Variants in JADE2 observed in about 807,000 individuals in gnomAD.
The protein encoded by JADE2 is jade family PHD finger 2.
Under a neutral mutation model 85.7 loss-of-function variants are expected in JADE2, and 13 were observed. That is an observed-to-expected ratio of 0.15 (90% CI 0.10 to 0.24). The LOEUF (loss-of-function observed/expected upper bound fraction) is 0.24. Among genes scored for constraint, JADE2 ranks in the 10% least tolerant of loss-of-function variants. JADE2 has a pLI of 1.00. For missense variants in JADE2, 846 were observed against 1,115.9 expected, an observed-to-expected ratio of 0.76 and a Z score of 3.45; for synonymous variants, 440 against 456.1, an observed-to-expected ratio of 0.96 and a Z score of 0.45.
chr5:134,546,457 T>A (rs182668866), intron 3 of JADE2, among the ~76,000 whole-genome samples: 123 of 152,300 alleles, frequency 8.1e-4, no homozygotes, highest in Middle Eastern at 3.4e-3. Context: ...TTAGAAGAGA[T>A]GGACATTAAA....
In JADE2 at chr5:134,562,978, T is replaced by C. The variant is rs542231295; in HGVS notation, c.852+611T>C. ...GCAGCTGACTAGAGGGGAAAGCAGG[T>C]TGTGGGGTCCATCTAAACCTTAGCA... On this transcript the variant is annotated intron_variant, in intron 7 of 11. Transcript: ENST00000681547. This position sits in a 1 kb window ranked among gnomAD's most constrained non-coding sequence, Gnocchi z 4.6. 6.6e-6 allele frequency among the ~76,000 whole-genome samples: 1 copy of C among 152,152 alleles called. No homozygotes were observed. Among genetic ancestry groups the C allele is most frequent in the Non-Finnish European group, 1.5e-5 (1 of 67,988 alleles).
At chr5:134,572,102 G>C (rs1303410682) in intron 9 of JADE2, among the ~76,000 whole-genome samples, 1 of 152,268 alleles carries the variant, frequency 6.6e-6, no homozygotes, top group Non-Finnish European at 1.5e-5. Flanking sequence ...GGGTGTGGGG[G>C]AAGGAGGCTG....
At position 134,566,907 on chromosome 5, in the gene JADE2, C is replaced by G. The variant is rs1348820268; in HGVS notation, c.1434+327C>G. On this transcript the variant is annotated intron_variant, in intron 9 of 11. Transcript: ENST00000681547. This position sits in a 1 kb window ranked among gnomAD's most constrained non-coding sequence, Gnocchi z 6.7. The stretch of plus-strand genomic sequence containing the variant: ...AGAGCACCAGAGCTAGGGCGAGGAC[C>G]TAGGCTTCTGGCACTTGCTTGCCTC... Among the ~76,000 whole-genome samples the G allele has an allele frequency of 6.6e-6, 1 of 152,204 alleles. No homozygotes were observed. Among genetic ancestry groups the G allele is most frequent in the Non-Finnish European group, 1.5e-5 (1 of 68,036 alleles).
At chr5:134,575,904 T>C (rs992153585) in intron 10 of JADE2, among the ~76,000 whole-genome samples, 62 of 148,408 alleles carry the variant, frequency 4.2e-4, no homozygotes, top group African/African-American at 1.4e-3. Flanking sequence ...AAAAAATAAA[T>C]AAATAAACAG....
intron 1 of JADE2, among the ~76,000 whole-genome samples, chr5:134,532,819 C>T (rs1761329338): frequency 6.6e-6 from 1 of 152,104 alleles, no homozygotes; most frequent in South Asian, 2.1e-4. Context: ...CGGTCCCAGG[C>T]CTCATTAGCC....
Position 134,578,554 on chromosome 5 carries a change from C to T in JADE2, c.1742C>T (p.Ser581Leu). The T allele has an allele frequency of 3.1e-6, 5 of 1,609,266 alleles. No homozygotes were observed. The highest frequency in any genetic ancestry group is 4.3e-6 in the Non-Finnish European group (5 of 1,176,208). Residue 581 changes from serine to leucine, a missense_variant, in exon 12 of 12, where the codon TCG (serine) becomes TTG (leucine). Ser to Leu is a moderately radical substitution (Grantham distance 145, BLOSUM62 -2). Transcript: ENST00000681547. This position sits in a 1 kb window ranked among gnomAD's most constrained non-coding sequence, Gnocchi z 4.4. ...TTCTTCAACAGCTGGCTGGCACAGTCGGTGCAGATCACAGCAGAGAACATG... is the reference window on the plus strand; with the variant it reads ...TTCTTCAACAGCTGGCTGGCACAGTTGGTGCAGATCACAGCAGAGAACATG... ...GTFFNSWLAQ[S>L]VQITAENMAM...
chr5:134,564,283 C>T (rs1763502576), intron 7 of JADE2: 3 of 490,992 alleles, frequency 6.1e-6, no homozygotes, highest in Non-Finnish European at 1.1e-5. Flanking sequence ...CACACTAACA[C>T]ACTCATCCAG....
intron 1 of JADE2, among the ~76,000 whole-genome samples, chr5:134,531,874 C>T (rs139764423): frequency 1.1e-4 from 15 of 139,296 alleles, no homozygotes; most frequent in African/African-American, 2.1e-4. Flanking sequence ...GATGAGCCAC[C>T]GTGCCTGGCT....
chr5:134,525,837 TG>T lies in JADE2; in HGVS notation c.-172del, dbSNP rs1162273941. On this transcript the variant is annotated 5_prime_UTR_variant, in exon 1 of 12. Coordinates refer to ENST00000681547, the MANE Select transcript of JADE2 (RefSeq NM_001388185.1). ...CGTCCCCGGCGGGGGGCGTGGGGCCTGGGACGCCGCGGGCCCGGCCGCCTCC... is the reference window on the plus strand; with the variant it reads ...CGTCCCCGGCGGGGGGCGTGGGGCCTGGACGCCGCGGGCCCGGCCGCCTCC... 10 of 999,172 alleles carry T rather than the reference TG, an allele frequency of 1.0e-5. No homozygotes were observed. The highest frequency in any genetic ancestry group is 1.2e-5 in the Non-Finnish European group (10 of 837,748). 61.9% of individuals were successfully genotyped at this position (999,172 alleles called of 1,614,324 possible).
chr5:134,553,360 T>TCC (rs1762713115), intron 4 of JADE2, among the ~76,000 whole-genome samples: 1 of 43,476 alleles, frequency 2.3e-5, no homozygotes, highest in African/African-American at 9.9e-5. Context: ...TTTTATTCTT[T>TCC]TCTTTTTTTT....
intron 3 of JADE2, among the ~76,000 whole-genome samples, chr5:134,545,502 C>T (rs1408044020): frequency 1.3e-5 from 2 of 151,416 alleles, no homozygotes; most frequent in South Asian, 2.1e-4. Flanking sequence ...GCCCTTCTTT[C>T]GTGTTTTATA....
chr5:134,526,384 C>T (rs1760820298), intron 1 of JADE2: 4 of 985,082 alleles, frequency 4.1e-6, no homozygotes, highest in Non-Finnish European at 3.6e-6. Flanking sequence ...GCTGCAACTT[C>T]CCCGCGGGCT....
At chr5:134,525,209 G>T (rs1760723537), upstream of JADE2, among the ~76,000 whole-genome samples, 1 of 151,768 alleles carries the variant, frequency 6.6e-6, no homozygotes, top group Non-Finnish European at 1.5e-5. Context: ...CCGGGTCTGG[G>T]GCGCGTAGGG....
At chr5:134,576,577 G>A (rs1764378240) in intron 10 of JADE2, among the ~76,000 whole-genome samples, 191 bp from the exon 11 acceptor site, 1 of 151,590 alleles carries the variant, frequency 6.6e-6, no homozygotes, top group Admixed American at 6.5e-5. Flanking sequence ...GCCACCCCAA[G>A]TCCCCCACAG....
chr5:134,541,840 A>G (rs1269391124), intron 3 of JADE2, among the ~76,000 whole-genome samples: 1 of 152,242 alleles, frequency 6.6e-6, no homozygotes, highest in Non-Finnish European at 1.5e-5. Context: ...GCGCAAGCCA[A>G]GGGGCACTCT....
In JADE2 at chr5:134,562,700, G is replaced by T. The variant is rs1012495418; in HGVS notation, c.852+333G>T. 2.6e-5 allele frequency among the ~76,000 whole-genome samples: 4 copies of T among 152,114 alleles called. No homozygotes were observed. Among genetic ancestry groups the T allele is most frequent in the Non-Finnish European group, 4.4e-5 (3 of 68,002 alleles). ...AATCACTTGAACCTGGGAGTTGGAG[G>T]TTGCAGTGAACCGAGATCGCACCAC... is the stretch of plus-strand genomic sequence containing the variant. On this transcript the variant is annotated intron_variant, in intron 7 of 11. Coordinates refer to ENST00000681547, the MANE Select transcript of JADE2 (RefSeq NM_001388185.1). This position sits in a 1 kb window ranked among gnomAD's most constrained non-coding sequence, Gnocchi z 4.6.
At chr5:134,577,432 C>A (rs1009552452) in intron 11 of JADE2, among the ~76,000 whole-genome samples, 2 of 152,230 alleles carry the variant, frequency 1.3e-5, no homozygotes, top group East Asian at 1.9e-4. Context: ...ATGGACCTCA[C>A]GTGCTTCCTC....
At chr5:134,532,018 G>A (rs1204358440) in intron 1 of JADE2, among the ~76,000 whole-genome samples, 1 of 150,158 alleles carries the variant, frequency 6.7e-6, no homozygotes, top group East Asian at 2.0e-4. Context: ...TTCAGCAGCT[G>A]GGACCACAGG....
At chr5:134,536,480 T>C (rs984081385) in intron 2 of JADE2, among the ~76,000 whole-genome samples, 9 of 152,140 alleles carry the variant, frequency 5.9e-5, no homozygotes, top group African/African-American at 2.2e-4. Flanking sequence ...TGTGTATGGA[T>C]TGGCATGTCA....
Sources: allele counts gnomAD v4.1 joint callset (sites outside exome capture counted in the v4.1 genomes callset), GRCh38; gene constraint gnomAD v4.1.1; non-coding constraint Gnocchi (gnomAD v3.1); transcripts MANE v1.5; gene names NCBI Gene and HGNC (gene_info 2026-07-23, HGNC 2026-07-21).